Variants in ZFPM2 observed in about 807,000 individuals in gnomAD.
ZFPM2 encodes the protein zinc finger protein, FOG family member 2.
A neutral mutation model predicts 98.6 loss-of-function variants in ZFPM2; 20 were observed. The ratio of observed to expected loss-of-function variants is 0.20; its 90% CI spans 0.14 to 0.29. ZFPM2 has a LOEUF of 0.29. Among genes scored for constraint, ZFPM2 ranks in the 10% least tolerant of loss-of-function variants. The probability of loss-of-function intolerance (pLI) is 1.00; values close to 1 mark genes in which losing one functional copy is unlikely to be tolerated. For missense variants in ZFPM2, 1,310 were observed against 1,388.6 expected (o/e 0.94, Z 0.90); for synonymous variants, 518 against 502.7 (o/e 1.03, Z -0.41).
intron 1 of ZFPM2, among the ~76,000 whole-genome samples, chr8:105,384,005 G>C (rs1810937569): frequency 6.6e-6 from 1 of 152,094 alleles, no homozygotes; most frequent in South Asian, 2.1e-4. Context: ...GACAACTACA[G>C]AATTCCATTA....
chr8:105,719,130 A>C (rs1015780696), intron 5 of ZFPM2, among the ~76,000 whole-genome samples: 4 of 151,942 alleles, frequency 2.6e-5, no homozygotes, highest in Admixed American at 2.6e-4. Flanking sequence ...TTCATTGTGA[A>C]ACATTCTAAC....
chr8:105,343,925 A>C (rs1812473268), intron 1 of ZFPM2, among the ~76,000 whole-genome samples: 1 of 152,126 alleles, frequency 6.6e-6, no homozygotes, highest in South Asian at 2.1e-4. Flanking sequence ...TGGGTAATTT[A>C]TAAAGAAAAG....
chr8:105,352,825 A>T (rs1271859204), intron 1 of ZFPM2, among the ~76,000 whole-genome samples: 1 of 151,864 alleles, frequency 6.6e-6, no homozygotes, highest in Non-Finnish European at 1.5e-5. Context: ...CCTTATCTGT[A>T]TGCCTGCCTG....
intron 1 of ZFPM2, among the ~76,000 whole-genome samples, chr8:105,372,412 C>G (rs1410839416): frequency 1.3e-5 from 2 of 152,016 alleles, no homozygotes; most frequent in Admixed American, 6.6e-5. Context: ...TAATTCTAAG[C>G]AAAGGGTATG....
chr8:105,589,511 C>T (rs774166339), intron 4 of ZFPM2, among the ~76,000 whole-genome samples: 2 of 152,068 alleles, frequency 1.3e-5, no homozygotes, highest in Non-Finnish European at 2.9e-5. Context: ...TTAGTACAAA[C>T]GGAATGTTCA....
Position 105,696,319 on chromosome 8 carries a change from C to G in ZFPM2, c.532+61962C>G, listed in dbSNP as rs576088436. On this transcript the variant is annotated intron_variant, in intron 5 of 7. Coordinates refer to ENST00000407775, the MANE Select transcript of ZFPM2 (RefSeq NM_012082.4). ...AGTCTTTTAAGAATCCTTCACTTAC[C>G]CTTATATGATCGTGGACATCCTTCC... 5.9e-5 allele frequency among the ~76,000 whole-genome samples: 9 copies of G among 152,254 alleles called. No homozygotes were observed. The East Asian group carries it at 1.7e-3, about 29-fold the overall frequency.
In ZFPM2 at chr8:105,370,472, C is replaced by G. The variant is rs1186623536; in HGVS notation, c.41-48672C>G. Among the ~76,000 whole-genome samples, 8 of 152,288 alleles carry G rather than the reference C, an allele frequency of 5.3e-5. No individual in the cohort carries two copies. The South Asian group carries it at 1.2e-3, about 24-fold the overall frequency. On this transcript the variant is annotated intron_variant, in intron 1 of 7. Transcript: ENST00000407775. Reference sequence around the variant, plus strand: ...AAAACATTGAATGGAGGTTGGGCTACATAAACTTTATAAATGACTTTTTAG... The same window carrying G: ...AAAACATTGAATGGAGGTTGGGCTAGATAAACTTTATAAATGACTTTTTAG...
intron 3 of ZFPM2, among the ~76,000 whole-genome samples, chr8:105,546,176 C>A (rs1814692250): frequency 6.6e-6 from 1 of 152,114 alleles, no homozygotes; most frequent in Non-Finnish European, 1.5e-5. Flanking sequence ...TAGGTGAAGG[C>A]TAGTACTAGA....
chr8:105,757,609 GA>G (rs1401159627), intron 5 of ZFPM2, among the ~76,000 whole-genome samples: 1 of 152,044 alleles, frequency 6.6e-6, no homozygotes, highest in Non-Finnish European at 1.5e-5. Flanking sequence ...CATGGATAAT[GA>G]ATCTATTGAT....
rs1400594531 is a variant in ZFPM2 at position 105,368,648 on chromosome 8, C to G, written c.40+49667C>G. Among the ~76,000 whole-genome samples the G allele has an allele frequency of 2.0e-5, 3 of 152,080 alleles. No homozygotes were observed. The East Asian group carries it at 5.8e-4, about 29-fold the overall frequency. ...ATGGCAAGTTTCTTCCTCCCCAGAT[C>G]CTTTCCTCTTGACCTCCCTTATGAA... On this transcript the variant is annotated intron_variant, in intron 1 of 7. Coordinates refer to ENST00000407775, the MANE Select transcript of ZFPM2 (RefSeq NM_012082.4).
chr8:105,367,124 G>A (rs1810528889), intron 1 of ZFPM2, among the ~76,000 whole-genome samples: 1 of 116,634 alleles, frequency 8.6e-6, no homozygotes, highest in South Asian at 3.2e-4. Flanking sequence ...TTTGGTTACT[G>A]TAGCCTTGTA....
At chr8:105,528,808 G>T (rs978988736) in intron 3 of ZFPM2, 1 of 152,098 alleles carries the variant, frequency 6.6e-6, no homozygotes, top group Non-Finnish European at 1.5e-5. Context: ...ATGTCACCAT[G>T]TTTTATGTAT....
At chr8:105,749,848 T>C (rs1301835255) in intron 5 of ZFPM2, among the ~76,000 whole-genome samples, 1 of 151,958 alleles carries the variant, frequency 6.6e-6, no homozygotes, top group Non-Finnish European at 1.5e-5. Context: ...AGGAATATGC[T>C]ATTCTGTTGT....
At chr8:105,585,324 T>G (rs1815689116) in intron 4 of ZFPM2, among the ~76,000 whole-genome samples, 1 of 152,184 alleles carries the variant, frequency 6.6e-6, no homozygotes. Context: ...TTAGTTTTTT[T>G]CTAACCCCTC....
At chr8:105,533,674 G>A (rs1268645622) in intron 3 of ZFPM2, among the ~76,000 whole-genome samples, 1 of 97,556 alleles carries the variant, frequency 1.0e-5, no homozygotes, top group African/African-American at 4.1e-5. Flanking sequence ...TCCTTCGTTC[G>A]TTCCTTCCCT....
intron 4 of ZFPM2, among the ~76,000 whole-genome samples, chr8:105,588,663 T>C (rs1388802429): frequency 6.6e-6 from 1 of 152,206 alleles, no homozygotes; most frequent in East Asian, 1.9e-4. Flanking sequence ...AAATTTCTTT[T>C]TTATTGGCAG....
chr8:105,583,657 G>A (rs1377847817), intron 4 of ZFPM2, among the ~76,000 whole-genome samples: 1 of 152,112 alleles, frequency 6.6e-6, no homozygotes, highest in Non-Finnish European at 1.5e-5. Flanking sequence ...AACAAAGGGG[G>A]CTAGAGGTGC....
In ZFPM2 at chr8:105,482,995, TTTCCTTCCTTCCTTCC is replaced by T. The variant is rs372199307; in HGVS notation, c.301+38642_301+38657del. On this transcript the variant is annotated intron_variant, in intron 3 of 7. Transcript: ENST00000407775. ...CTTCCCTCCCTCCCTCCCCCCATCCTTTCCTTCCTTCCTTCCTTCCTTCCTTCCTTCCTTCCTTCCT... is the reference window on the plus strand; with the variant it reads ...CTTCCCTCCCTCCCTCCCCCCATCCTTTCCTTCCTTCCTTCCTTCCTTCCT... Among the ~76,000 whole-genome samples the T allele has an allele frequency of 5.4e-4, 28 of 51,458 alleles. 1 individual carries two copies. Among genetic ancestry groups the T allele is most frequent in the Non-Finnish European group, 6.8e-4 (20 of 29,300 alleles). 33.8% of individuals were successfully genotyped at this position (51,458 alleles called of 152,430 possible).
At chr8:105,610,995 C>T (rs1563742096) in intron 4 of ZFPM2, among the ~76,000 whole-genome samples, 1 of 152,182 alleles carries the variant, frequency 6.6e-6, no homozygotes, top group Non-Finnish European at 1.5e-5. Context: ...TTCTTAGGAG[C>T]ATAGTTCATT....
Sources: gnomAD v4.1 joint callset for allele counts (sites outside exome capture counted in the v4.1 genomes callset) on GRCh38, gnomAD v4.1.1 for gene constraint, MANE v1.5 for transcripts, NCBI Gene and HGNC (gene_info 2026-07-23, HGNC 2026-07-21) for gene names.